Variants in GPI observed in about 807,000 individuals in gnomAD.
GPI encodes the protein D-hexose-6-phosphate anomerase.
In GPI, 56 loss-of-function variants were observed where a neutral mutation model predicts 75.8. The ratio of observed to expected loss-of-function variants is 0.74; its 90% CI spans 0.60 to 0.92. The LOEUF (loss-of-function observed/expected upper bound fraction) is 0.92. Among genes scored for constraint, GPI ranks in the 40% least tolerant of loss-of-function variants. The pLI, the probability that GPI is intolerant of heterozygous loss-of-function variation, is 0.00. For synonymous variants in GPI, 288 were observed against 285.4 expected, an observed-to-expected ratio of 1.01 and a Z score of -0.09; for missense variants, 638 against 741.0, an observed-to-expected ratio of 0.86 and a Z score of 1.61.
At chr19:34,360,023 G>C (rs1056310899), upstream of GPI, 1 of 152,290 alleles carries the variant, frequency 6.6e-6, no homozygotes, top group Non-Finnish European at 1.5e-5. Flanking sequence ...TGCCTCTGCT[G>C]TCAGGTGTAC....
upstream of GPI, among the ~76,000 whole-genome samples, chr19:34,362,113 C>CAAA (rs71165651): frequency 2.5e-5 from 2 of 79,656 alleles, no homozygotes; most frequent in Non-Finnish European, 2.5e-5. Context: ...GACTCCATCT[C>CAAA]AAAAAAAAAA....
chr19:34,381,636 G>A (rs1234977950), intron 9 of GPI, 117 bp downstream of exon 9: 11 of 824,548 alleles, frequency 1.3e-5, no homozygotes, highest in Non-Finnish European at 2.4e-5. Context: ...TACCTAGCTT[G>A]GGGAAAGGTA....
At chr19:34,381,551 T>C (rs767723956) in intron 9 of GPI, 32 bp downstream of exon 9, 3 of 1,485,588 alleles carry the variant, frequency 2.0e-6, no homozygotes, top group Non-Finnish European at 2.8e-6. Context: ...CTGGGTGAAT[T>C]AAGTGTCCTT....
rs748516214 is a variant in GPI at position 34,393,950 on chromosome 19, G to A, written c.946G>A (p.Ala316Thr). ...CCGCACGACGCCCCTGGAGAAGAAC[G>A]CCCCCGTCTTGCTGGCCCTGCTGGG... is the stretch of plus-strand genomic sequence containing the variant. ...HFRTTPLEKNAPVLLALLGIW... is the reference protein window; with the variant it reads ...HFRTTPLEKNTPVLLALLGIW... Residue 316 changes from alanine to threonine, a missense_variant, in exon 12 of 18, where the codon GCC becomes ACC. Coordinates refer to ENST00000356487, the MANE Select transcript of GPI (RefSeq NM_000175.5). The surrounding 1 kb of genome is among the most constrained non-coding windows in gnomAD (Gnocchi z 4.4). 21 of 1,613,524 alleles carry A rather than the reference G, an allele frequency of 1.3e-5. No individual in the cohort carries two copies. The highest frequency in any genetic ancestry group is 1.6e-4 in the Middle Eastern group (1 of 6,084).
Position 34,393,943 on chromosome 19 carries a change from G to A in GPI, c.939G>A (p.Glu313=). The change falls in exon 12 of 18, where the codon GAG becomes GAA. Residue 313 remains glutamate, a synonymous_variant. Transcript: ENST00000356487. The surrounding 1 kb of genome is among the most constrained non-coding windows in gnomAD (Gnocchi z 4.4). ...AGCACTTCCGCACGACGCCCCTGGA[G>A]AAGAACGCCCCCGTCTTGCTGGCCC... ...MDQHFRTTPL[E]KNAPVLLALL... 1 of 1,613,742 alleles carries A rather than the reference G, an allele frequency of 6.2e-7. No homozygotes were observed. Among genetic ancestry groups the A allele is most frequent in the East Asian group, 2.2e-5 (1 of 44,870 alleles).
chr19:34,361,751 T>G (rs144511794), upstream of GPI, among the ~76,000 whole-genome samples: 1 of 150,860 alleles, frequency 6.6e-6, no homozygotes, highest in Non-Finnish European at 1.5e-5. Context: ...GAAGCCGAGG[T>G]GGGTGGATTA....
At chr19:34,369,301 A>T (rs1040027184) in intron 4 of GPI, among the ~76,000 whole-genome samples, 5 of 151,882 alleles carry the variant, frequency 3.3e-5, no homozygotes, top group Non-Finnish European at 7.4e-5. Context: ...TGCCTGCCTC[A>T]CCTGGGATTA....
chr19:34,365,191 G>A, upstream of GPI: 1 of 1,346,304 alleles, frequency 7.4e-7, no homozygotes, highest in Non-Finnish European at 9.5e-7. Context: ...GCGCCCACGC[G>A]CCTCGCTTGC....
rs1044058771 is a variant in GPI, at chr19:34,393,589, C to T, written c.866-139C>T. 8.4e-6 allele frequency: 7 copies of T among 831,152 alleles called. No individual in the cohort carries two copies. Among genetic ancestry groups the T allele is most frequent in the African/African-American group, 1.7e-5 (1 of 59,828 alleles). The allele number at this position is 831,152 out of a possible 1,614,324, so 51.5% of individuals were successfully genotyped here. A position where few individuals can be genotyped will look rare whatever the true frequency, so the allele number is the denominator to read the frequency against. ...TCAGGGCCACCTCTCACTGGAGGGGCTTTGTCTAGGTCCGAGTCCTCCCAT... is the reference window on the plus strand; with the variant it reads ...TCAGGGCCACCTCTCACTGGAGGGGTTTTGTCTAGGTCCGAGTCCTCCCAT... On this transcript the variant is annotated intron_variant, in intron 10 of 17. Coordinates refer to ENST00000356487, the MANE Select transcript of GPI (RefSeq NM_000175.5). The surrounding 1 kb of genome is among the most constrained non-coding windows in gnomAD (Gnocchi z 4.4).
intron 6 of GPI, among the ~76,000 whole-genome samples, chr19:34,378,589 A>G (rs962399028): frequency 2.0e-5 from 3 of 151,952 alleles, no homozygotes; most frequent in African/African-American, 4.8e-5. Flanking sequence ...TTTATGTTCT[A>G]TTTACTCACA....
intron 3 of GPI, 195 bp downstream of exon 3, chr19:34,367,046 C>T (rs2074378006): frequency 1.4e-6 from 1 of 699,268 alleles, no homozygotes; most frequent in Non-Finnish European, 2.6e-6. Context: ...GTTTGGTGAG[C>T]TCCTTGGAAT....
At position 34,376,479 on chromosome 19, in the gene GPI, C is replaced by T. The variant is rs970573891; in HGVS notation, c.403-1024C>T. ...GGCTGAGGCAGGAGAATTGCTTGAA[C>T]CCTGGAGCCTGGAGGCGGAGGCTGC... On this transcript the variant is annotated intron_variant, in intron 4 of 17. Coordinates refer to ENST00000356487, the MANE Select transcript of GPI (RefSeq NM_000175.5). Among the ~76,000 whole-genome samples, 6 of 151,818 alleles carry T rather than the reference C, an allele frequency of 4.0e-5. 1 individual carries two copies. Among genetic ancestry groups the T allele is most frequent in the Admixed American group, 1.3e-4 (2 of 15,238 alleles).
chr19:34,365,705 G>C (rs1022541394), intron 1 of GPI: 1 of 543,306 alleles, frequency 1.8e-6, no homozygotes, highest in African/African-American at 1.9e-5. Flanking sequence ...TCCTTTCGCA[G>C]TTGTGAAGAG....
intron 3 of GPI, 153 bp downstream of exon 3, chr19:34,367,004 C>T (rs562304486): frequency 1.4e-6 from 1 of 716,474 alleles, no homozygotes; most frequent in African/African-American, 1.7e-5. Flanking sequence ...CTGCTTGTAG[C>T]AGGGCTTTGG....
At chr19:34,397,063 G>A (rs1368920082) in intron 14 of GPI, among the ~76,000 whole-genome samples, 3 of 152,122 alleles carry the variant, frequency 2.0e-5, no homozygotes, top group Admixed American at 1.3e-4. Flanking sequence ...TACCTGCCTC[G>A]GCCTCCCTAA....
At chr19:34,377,336 A>ATAT (rs1157034155) in intron 4 of GPI, among the ~76,000 whole-genome samples, 167 bp from the exon 5 acceptor site, 2 of 49,330 alleles carry the variant, frequency 4.1e-5, no homozygotes, top group Non-Finnish European at 6.3e-5. Context: ...AAAAAAAAAA[A>ATAT]ATATATATAT....
intron 4 of GPI, among the ~76,000 whole-genome samples, chr19:34,370,791 G>T (rs1366525113): frequency 6.6e-6 from 1 of 152,038 alleles, no homozygotes; most frequent in Non-Finnish European, 1.5e-5. Context: ...GCTAGGTGTG[G>T]TGGTGTATCC....
chr19:34,364,815 A>C, upstream of GPI: 1 of 557,206 alleles, frequency 1.8e-6, no homozygotes, highest in South Asian at 2.9e-5. Flanking sequence ...CACAGCGCCT[A>C]GAACACTGCC....
chr19:34,391,733 G>A (rs1220935831), intron 9 of GPI, among the ~76,000 whole-genome samples: 1 of 284 alleles, frequency 3.5e-3, no homozygotes, highest in Non-Finnish European at 7.2e-3. Flanking sequence ...GGGTCTTCGG[G>A]TGTCTGAGGA....
Sources: gnomAD v4.1 joint callset for allele counts (sites outside exome capture counted in the v4.1 genomes callset) on GRCh38, gnomAD v4.1.1 for gene constraint, Gnocchi (gnomAD v3.1) non-coding constraint, MANE v1.5 for transcripts, NCBI Gene and HGNC (gene_info 2026-07-23, HGNC 2026-07-21) for gene names.